PTPRT: variants seen among roughly 807,000 people sequenced by gnomAD.
PTPRT encodes the protein receptor-type tyrosine-protein phosphatase T.
A neutral mutation model predicts 176.8 loss-of-function variants in PTPRT; 56 were observed. The observed-to-expected ratio is 0.32, with a 90% CI of 0.26 to 0.40. The LOEUF (loss-of-function observed/expected upper bound fraction) is 0.40. Ranked by LOEUF, PTPRT falls within the 10% of genes least tolerant of loss-of-function variation. The pLI is 1.00. For synonymous variants in PTPRT, 783 were observed against 739.0 expected (o/e 1.06, Z -0.96); for missense variants, 1,540 against 1,908.2 (o/e 0.81, Z 3.60).
In PTPRT at chr20:43,099,039, A is replaced by G. The variant is rs1428283412; in HGVS notation, c.88+90607T>C. Among the ~76,000 whole-genome samples the G allele has an allele frequency of 2.0e-5, 3 of 151,984 alleles. No homozygotes were observed. In the East Asian group the frequency reaches 5.8e-4, roughly 29 times the overall value. On this transcript the variant is annotated intron_variant, in intron 1 of 30. Coordinates refer to ENST00000373187, the MANE Select transcript of PTPRT (RefSeq NM_007050.6). Reference sequence around the variant, plus strand: ...AAAGATCCCTGAATCAGCCAGTCCAAACCCCCTCTTTGTGCCATGTCTACC... The same window carrying G: ...AAAGATCCCTGAATCAGCCAGTCCAGACCCCCTCTTTGTGCCATGTCTACC...
chr20:42,673,362 A>C (rs1221023010), intron 7 of PTPRT, among the ~76,000 whole-genome samples: 2 of 152,212 alleles, frequency 1.3e-5, no homozygotes, highest in Non-Finnish European at 2.9e-5. Context: ...TGGAATCCTT[A>C]CAGCAAATTT....
At chr20:42,440,813 A>G (rs1347536347) in intron 9 of PTPRT, among the ~76,000 whole-genome samples, 2 of 152,186 alleles carry the variant, frequency 1.3e-5, no homozygotes, top group African/African-American at 4.8e-5. Flanking sequence ...CTGTCAGGCT[A>G]GAGAACTGGG....
chr20:42,302,296 C>T (rs1413894945), intron 12 of PTPRT, among the ~76,000 whole-genome samples: 2 of 152,114 alleles, frequency 1.3e-5, no homozygotes, highest in Admixed American at 6.6e-5. Context: ...AGTATTTTAG[C>T]ATGGCATACA....
intron 1 of PTPRT, among the ~76,000 whole-genome samples, chr20:43,131,096 A>G (rs1166245815): frequency 6.6e-6 from 1 of 152,214 alleles, no homozygotes; most frequent in Non-Finnish European, 1.5e-5. Context: ...CTTCTGTCCT[A>G]TTGCTGATTT....
At chr20:42,200,033 T>C (rs141378690) in intron 15 of PTPRT, among the ~76,000 whole-genome samples, 52 of 149,232 alleles carry the variant, frequency 3.5e-4, no homozygotes, top group African/African-American at 1.2e-3. Context: ...TGGTGTAAAT[T>C]TGAATCACCT....
At position 42,711,011 on chromosome 20, in the gene PTPRT, CT is replaced by C. The variant is rs538840371; in HGVS notation, c.860-32853del. 2.1e-3 allele frequency among the ~76,000 whole-genome samples: 325 copies of C among 152,344 alleles called. 4 individuals are homozygous for C. Among genetic ancestry groups the C allele is most frequent in the Non-Finnish European group, 1.2e-3 (79 of 68,040 alleles). On this transcript the variant is annotated intron_variant, in intron 6 of 30. Coordinates refer to ENST00000373187, the MANE Select transcript of PTPRT (RefSeq NM_007050.6). ...CCAGACTTGCATGGGGCCTGTTGCCCTTTTCTTCGGGCCAATTTCTCCCTTC... is the reference window on the plus strand; with the variant it reads ...CCAGACTTGCATGGGGCCTGTTGCCCTTTCTTCGGGCCAATTTCTCCCTTC...
chr20:42,811,185 G>T (rs2077692151), intron 2 of PTPRT, among the ~76,000 whole-genome samples: 1 of 152,042 alleles, frequency 6.6e-6, no homozygotes, highest in African/African-American at 2.4e-5. Flanking sequence ...AAAATACAAA[G>T]ATTGAAGTTT....
chr20:42,668,123 C>T (rs142908037), intron 7 of PTPRT, among the ~76,000 whole-genome samples: 1,567 of 152,162 alleles, frequency 0.01, 23 homozygotes, highest in Admixed American at 0.038. Context: ...TCCTAAACAG[C>T]TAAGTAGGTG....
At chr20:42,478,567 A>G (rs2145319182) in intron 7 of PTPRT, among the ~76,000 whole-genome samples, 1 of 152,198 alleles carries the variant, frequency 6.6e-6, no homozygotes, top group South Asian at 2.1e-4. Flanking sequence ...AAAGCAAGGG[A>G]TTATAAATGC....
At chr20:42,405,446 G>C (rs895910054) in intron 9 of PTPRT, among the ~76,000 whole-genome samples, 2 of 152,052 alleles carry the variant, frequency 1.3e-5, no homozygotes, top group African/African-American at 2.4e-5. Flanking sequence ...TGCAGTGTTT[G>C]GTTTTTTGTC....
At chr20:42,271,810 T>C (rs2056940573) in intron 13 of PTPRT, among the ~76,000 whole-genome samples, 1 of 152,174 alleles carries the variant, frequency 6.6e-6, no homozygotes, top group Non-Finnish European at 1.5e-5. Flanking sequence ...CTTTCTCCAG[T>C]GATCCATCAA....
At chr20:43,183,871 T>C (rs2015325824) in intron 1 of PTPRT, among the ~76,000 whole-genome samples, 1 of 152,274 alleles carries the variant, frequency 6.6e-6, no homozygotes, top group Non-Finnish European at 1.5e-5. Context: ...AGTTCATTCC[T>C]TTTTATTCCT....
chr20:43,135,130 T>G (rs1023416347), intron 1 of PTPRT, among the ~76,000 whole-genome samples: 1 of 152,088 alleles, frequency 6.6e-6, no homozygotes, highest in Non-Finnish European at 1.5e-5. Flanking sequence ...ATGTCTGGGG[T>G]TTTTTGTGTT....
intron 7 of PTPRT, among the ~76,000 whole-genome samples, chr20:42,646,194 A>G (rs1177280693): frequency 6.6e-6 from 1 of 151,512 alleles, no homozygotes. Context: ...CCCAGAAACT[A>G]CCATTCTTCT....
At chr20:42,252,190 T>C (rs962945063) in intron 13 of PTPRT, among the ~76,000 whole-genome samples, 2 of 152,176 alleles carry the variant, frequency 1.3e-5, no homozygotes, top group Admixed American at 1.3e-4. Flanking sequence ...GTGGTAATGT[T>C]TACGGGTTCC....
In PTPRT at chr20:42,629,189, CT is replaced by C. The variant is rs201612893; in HGVS notation, c.1153+48676del. ...TTTGTAAGAAAAGCCAGTGAGGATGCTTTTTTTTTTTTTCCTGGTGAAGTAA... is the reference window on the plus strand; with the variant it reads ...TTTGTAAGAAAAGCCAGTGAGGATGCTTTTTTTTTTTTCCTGGTGAAGTAA... On this transcript the variant is annotated intron_variant, in intron 7 of 30. Coordinates refer to ENST00000373187, the MANE Select transcript of PTPRT (RefSeq NM_007050.6). Among the ~76,000 whole-genome samples the C allele has an allele frequency of 4.5e-3, 629 of 140,202 alleles. 7 individuals carry two copies. Among genetic ancestry groups the C allele is most frequent in the East Asian group, 0.016 (76 of 4,862 alleles). The allele number at this position is 140,202 out of a possible 152,430, so 92.0% of individuals were successfully genotyped here.
intron 1 of PTPRT, among the ~76,000 whole-genome samples, chr20:43,168,449 G>A (rs998160202): frequency 1.8e-4 from 27 of 152,096 alleles, no homozygotes; most frequent in Admixed American, 3.3e-4. Flanking sequence ...GAGGAAGGGG[G>A]TATCCTCTGG....
At chr20:42,198,527 TGTAAGAACAGAAGCAAGTCTG>T (rs1157883647) in intron 16 of PTPRT, among the ~76,000 whole-genome samples, 1 of 152,224 alleles carries the variant, frequency 6.6e-6, no homozygotes, top group Non-Finnish European at 1.5e-5. Flanking sequence ...ATAGAATGGC[TGTAAGAACAGAAGCAAGTCTG>T]TCCACAAGGA....
chr20:42,811,245 GGCAAACA>G (rs2077693314), intron 2 of PTPRT, among the ~76,000 whole-genome samples: 2 of 152,046 alleles, frequency 1.3e-5, no homozygotes, highest in African/African-American at 4.8e-5. Flanking sequence ...ATTAACATAT[GGCAAACA>G]TCATTTTAAA....
Sources: gnomAD v4.1 joint callset for allele counts (sites outside exome capture counted in the v4.1 genomes callset) on GRCh38, gnomAD v4.1.1 for gene constraint, MANE v1.5 for transcripts, NCBI Gene and HGNC (gene_info 2026-07-23, HGNC 2026-07-21) for gene names.